The following VAT1L variants were observed in gnomAD, a reference collection of about 807,000 sequenced individuals.
The protein encoded by VAT1L is putative NADPH-dependent quinone oxidoreductase VAT1L.
In VAT1L, 34 loss-of-function variants were observed where a neutral mutation model predicts 44.1. That is an observed-to-expected ratio of 0.77 (90% CI 0.59 to 1.03). The LOEUF (loss-of-function observed/expected upper bound fraction) is 1.03. Ranked by LOEUF, VAT1L falls within the 50% of genes least tolerant of loss-of-function variation. The probability of loss-of-function intolerance (pLI) is 0.00; values close to 1 mark genes in which losing one functional copy is unlikely to be tolerated. For missense variants in VAT1L, 615 were observed against 538.8 expected (o/e 1.14, Z -1.40); for synonymous variants, 253 against 202.2 (o/e 1.25, Z -2.13).
At chr16:77,907,226 G>A (rs1034915622) in intron 7 of VAT1L, among the ~76,000 whole-genome samples, 3 of 152,112 alleles carry the variant, frequency 2.0e-5, no homozygotes, top group East Asian at 1.9e-4. Context: ...ATCAGCTATC[G>A]GAGTCAGTGC....
intron 1 of VAT1L, among the ~76,000 whole-genome samples, chr16:77,804,969 G>A (rs1176834102): frequency 6.6e-6 from 1 of 152,156 alleles, no homozygotes; most frequent in Non-Finnish European, 1.5e-5. Context: ...TGTCTCCCGT[G>A]GCTGCAGTGG....
intron 1 of VAT1L, among the ~76,000 whole-genome samples, chr16:77,810,789 T>G (rs1283481770): frequency 6.6e-6 from 1 of 152,140 alleles, no homozygotes; most frequent in Non-Finnish European, 1.5e-5. Context: ...GCCTATAAGA[T>G]CCATAAAGCC....
At chr16:77,855,514 C>T (rs1380248032) in intron 3 of VAT1L, among the ~76,000 whole-genome samples, 1 of 152,056 alleles carries the variant, frequency 6.6e-6, no homozygotes, top group Admixed American at 6.5e-5. Context: ...CTGCATATGT[C>T]CAAAAACATA....
At chr16:77,840,386 C>T (rs537201618) in intron 3 of VAT1L, among the ~76,000 whole-genome samples, 2 of 152,302 alleles carry the variant, frequency 1.3e-5, no homozygotes, top group South Asian at 2.1e-4. Flanking sequence ...TCTCTGTATG[C>T]TGGCCCAGCT....
chr16:77,911,471 A>G (rs1255560637), intron 7 of VAT1L, among the ~76,000 whole-genome samples: 1 of 152,164 alleles, frequency 6.6e-6, no homozygotes, highest in Non-Finnish European at 1.5e-5. Flanking sequence ...ATAGGACCCT[A>G]TATGGACCCT....
intron 7 of VAT1L, among the ~76,000 whole-genome samples, chr16:77,946,913 T>G (rs1236460633): frequency 1.3e-5 from 2 of 152,218 alleles, no homozygotes; most frequent in Non-Finnish European, 2.9e-5. Flanking sequence ...CTAGTTGGCC[T>G]CTGAGCAGGA....
At chr16:77,938,697 A>T (rs73568614) in intron 7 of VAT1L, among the ~76,000 whole-genome samples, 11,476 of 152,168 alleles carry the variant, frequency 0.075, 502 homozygotes, top group South Asian at 0.12. Context: ...TGCCAGCCTC[A>T]TGCTTCCTGT....
At chr16:77,918,556 TC>T (rs1345733369) in intron 7 of VAT1L, among the ~76,000 whole-genome samples, 1 of 152,106 alleles carries the variant, frequency 6.6e-6, no homozygotes, top group African/African-American at 2.4e-5. Flanking sequence ...GTCGCTGTGA[TC>T]AACACTAGAA....
At position 77,934,720 on chromosome 16, in the gene VAT1L, G is replaced by C. The variant is rs529764432; in HGVS notation, c.1078-37130G>C. Among the ~76,000 whole-genome samples the C allele has an allele frequency of 2.6e-5, 4 of 152,322 alleles. No homozygotes were observed. In the East Asian group the frequency reaches 5.8e-4, roughly 22 times the overall value. On this transcript the variant is annotated intron_variant, in intron 7 of 8. Transcript: ENST00000302536. The stretch of plus-strand genomic sequence containing the variant: ...GATCACCACAGCAAACTAGGAGTTA[G>C]AGCAGAGAACAGAGGGAGACAGGGT...
intron 3 of VAT1L, among the ~76,000 whole-genome samples, chr16:77,858,766 G>A (rs1176657775): frequency 1.3e-5 from 2 of 152,142 alleles, no homozygotes; most frequent in Non-Finnish European, 2.9e-5. Context: ...GGTTTGGGAA[G>A]CCAAGATTGA....
At chr16:77,809,455 T>C (rs535637593) in intron 1 of VAT1L, among the ~76,000 whole-genome samples, 96 of 76,584 alleles carry the variant, frequency 1.3e-3, no homozygotes, top group African/African-American at 3.4e-3. Flanking sequence ...CATTCTTTTT[T>C]GATCTTTTTT....
In VAT1L at chr16:77,969,855, T is replaced by C. The variant is rs77408669; in HGVS notation, c.1078-1995T>C. ...TGAAAAGCAGAGCTCACTACAAAAA[T>C]AAAAGGAATCTACTGAATTATGTAT... On this transcript the variant is annotated intron_variant, in intron 7 of 8. Transcript: ENST00000302536. 9.0e-3 allele frequency among the ~76,000 whole-genome samples: 1,366 copies of C among 151,730 alleles called. 21 individuals carry two copies. The highest frequency in any genetic ancestry group is 0.031 in the African/African-American group (1,297 of 41,364).
At chr16:77,826,916 G>A (rs1354300510) in intron 3 of VAT1L, among the ~76,000 whole-genome samples, 1 of 152,118 alleles carries the variant, frequency 6.6e-6, no homozygotes, top group Non-Finnish European at 1.5e-5. Context: ...TATTTCACTG[G>A]AGGTTTTGCT....
chr16:77,937,996 G>C (rs564926040), intron 7 of VAT1L, among the ~76,000 whole-genome samples: 9 of 152,336 alleles, frequency 5.9e-5, no homozygotes, highest in Non-Finnish European at 5.9e-5. Context: ...TATTTGGAAA[G>C]AATGACTCTA....
At chr16:77,881,206 C>T (rs2017151150) in intron 6 of VAT1L, among the ~76,000 whole-genome samples, 1 of 152,146 alleles carries the variant, frequency 6.6e-6, no homozygotes, top group Non-Finnish European at 1.5e-5. Context: ...TTATTTTTGC[C>T]CCCTCTACTT....
At chr16:77,864,658 G>C (rs1393838265) in intron 4 of VAT1L, among the ~76,000 whole-genome samples, 1 of 152,182 alleles carries the variant, frequency 6.6e-6, no homozygotes, top group Non-Finnish European at 1.5e-5. Context: ...GAAAACTGAA[G>C]GACAAGTGGA....
At chr16:77,967,170 C>A (rs1449709488) in intron 7 of VAT1L, among the ~76,000 whole-genome samples, 1 of 152,120 alleles carries the variant, frequency 6.6e-6, no homozygotes, top group Non-Finnish European at 1.5e-5. Flanking sequence ...GTGTTGACAA[C>A]AGAGGAAGGG....
At chr16:77,947,833 C>T (rs2017989022) in intron 7 of VAT1L, among the ~76,000 whole-genome samples, 1 of 152,216 alleles carries the variant, frequency 6.6e-6, no homozygotes, top group Admixed American at 6.5e-5. Context: ...GATCTTGGCT[C>T]ACCACAACCT....
intron 7 of VAT1L, among the ~76,000 whole-genome samples, chr16:77,969,383 T>A (rs947182479): frequency 6.6e-6 from 1 of 151,366 alleles, no homozygotes; most frequent in Admixed American, 6.6e-5. Flanking sequence ...GGGGCTGTGG[T>A]CTCAAATGGG....
Sources: gnomAD v4.1 joint callset for allele counts (sites outside exome capture counted in the v4.1 genomes callset) on GRCh38, gnomAD v4.1.1 for gene constraint, MANE v1.5 for transcripts, NCBI Gene and HGNC (gene_info 2026-07-23, HGNC 2026-07-21) for gene names.